The following RPS6 variants were observed in gnomAD, a reference collection of about 807,000 sequenced individuals.
The protein encoded by RPS6 is ribosomal protein S6.
A neutral mutation model predicts 27.1 loss-of-function variants in RPS6; 1 was observed. The observed-to-expected ratio is 0.04, with a 90% CI of 0.01 to 0.18. RPS6 has a LOEUF of 0.18. RPS6 is among the 10% of genes least tolerant of loss of function. RPS6 has a pLI of 1.00. For synonymous variants in RPS6, 152 were observed against 106.0 expected (o/e 1.43, Z -2.66); for missense variants, 259 against 319.1 (o/e 0.81, Z 1.44).
chr9:19,380,095 C>T, intron 1 of RPS6, 95 bp downstream of exon 1: 1 of 1,613,612 alleles, frequency 6.2e-7, no homozygotes, highest in Admixed American at 1.7e-5. Context: ...CACCTAAAGC[C>T]AGGATCCTGG....
At chr9:19,377,769 G>A (rs887304317) in intron 4 of RPS6, among the ~76,000 whole-genome samples, 7 of 152,270 alleles carry the variant, frequency 4.6e-5, no homozygotes, top group African/African-American at 1.4e-4. Context: ...TTCTGAGTAA[G>A]GTCTCTAACT....
rs17523533 is a variant in RPS6 at position 19,380,234 on chromosome 9, G to A, written c.-39C>T. 9.3e-5 allele frequency: 150 copies of A among 1,609,228 alleles called. No homozygotes were observed. Among genetic ancestry groups the A allele is most frequent in the East Asian group, 2.7e-4 (12 of 44,856 alleles). The stretch of plus-strand genomic sequence containing the variant: ...AACGCCTCCGAGGCGCCACGGAAAA[G>A]AGGGCCAACTTCCGCTTAGCGCAGG... On this transcript the variant is annotated 5_prime_UTR_variant, in exon 1 of 6. Transcript: ENST00000380394.
chr9:19,376,537 T>C lies in RPS6; in HGVS notation c.611A>G (p.Glu204Gly). ...AAGTTTAGCATATTCTGCAGCCTCT[T>C]CTTTATTTTTCTTGGTACGCTGCTT... ...LKKQRTKKNKEEAAEYAKLLA... is the reference protein window; with the variant it reads ...LKKQRTKKNKGEAAEYAKLLA... The change falls in exon 5 of 6, where the codon GAA becomes GGA. Residue 204 changes from glutamate (E) to glycine (G), a missense_variant. Coordinates refer to ENST00000380394, the MANE Select transcript of RPS6 (RefSeq NM_001010.3). 1 of 1,614,180 alleles carries C rather than the reference T, an allele frequency of 6.2e-7. No individual in the cohort carries two copies. Among genetic ancestry groups the C allele is most frequent in the Non-Finnish European group, 8.5e-7 (1 of 1,180,032 alleles).
intron 4 of RPS6, among the ~76,000 whole-genome samples, chr9:19,378,094 G>A (rs1829620164): frequency 6.6e-6 from 1 of 152,114 alleles, no homozygotes; most frequent in African/African-American, 2.4e-5. Context: ...AGATAGCAAT[G>A]ACCTTAAAGT....
At chr9:19,377,020 G>A (rs1007061138) in intron 4 of RPS6, among the ~76,000 whole-genome samples, 3 of 152,112 alleles carry the variant, frequency 2.0e-5, no homozygotes, top group Non-Finnish European at 4.4e-5. Flanking sequence ...TTTTAAATTT[G>A]ATGTAAGCTT....
intron 4 of RPS6, among the ~76,000 whole-genome samples, chr9:19,377,824 A>G (rs1829615097): frequency 6.6e-6 from 1 of 152,192 alleles, no homozygotes; most frequent in South Asian, 2.1e-4. Flanking sequence ...TATCCTACAG[A>G]TGAAACAGAA....
In RPS6 at chr9:19,379,097, C is replaced by T. The variant is rs2301239; in HGVS notation, c.139-179G>A. On this transcript the variant is annotated intron_variant, in intron 2 of 5. Transcript: ENST00000380394. Reference sequence around the variant, plus strand: ...GTCTATATTCCCAACTTGTCAAGTTCAATTATCAAATGTCTTTCAAGTCGC... The same window carrying T: ...GTCTATATTCCCAACTTGTCAAGTTTAATTATCAAATGTCTTTCAAGTCGC... 1.2e-3 allele frequency: 916 copies of T among 774,586 alleles called. 6 individuals are homozygous for T. The East Asian group carries it at 0.017, about 15-fold the overall frequency. 48.0% of individuals were successfully genotyped at this position (774,586 alleles called of 1,614,324 possible). A position where few individuals can be genotyped will look rare whatever the true frequency, so the allele number is the denominator to read the frequency against.
In RPS6 at chr9:19,375,923, C is replaced by G. The variant is rs1049727917; in HGVS notation, c.*370G>C. ...AAAGACATGTTCATCTTCACAAGGT[C>G]AATTTTCATGTATTAAATTGTGTAT... On this transcript the variant is annotated 3_prime_UTR_variant, in exon 6 of 6. Coordinates refer to ENST00000380394, the MANE Select transcript of RPS6 (RefSeq NM_001010.3). The G allele has an allele frequency of 2.6e-5, 4 of 156,726 alleles. No homozygotes were observed. The highest frequency in any genetic ancestry group is 6.4e-5 in the Admixed American group (1 of 15,624). 9.7% of individuals were successfully genotyped at this position (156,726 alleles called of 1,614,324 possible).
In RPS6 at chr9:19,379,959, G is replaced by A. The variant is rs149066720; in HGVS notation, c.6+231C>T. The stretch of plus-strand genomic sequence containing the variant: ...CAACACGCCGCATCCGTCCCGGCTG[G>A]GCGCGGGGACGCCACCATGGCGCTC... On this transcript the variant is annotated intron_variant, in intron 1 of 5. Transcript: ENST00000380394. 8.7e-4 allele frequency: 1,246 copies of A among 1,438,502 alleles called. 15 individuals carry two copies. The African/African-American group carries it at 0.016, about 18-fold the overall frequency. The allele number at this position is 1,438,502 out of a possible 1,614,324, so 89.1% of individuals were successfully genotyped here. A position where few individuals can be genotyped will look rare whatever the true frequency, so the allele number is the denominator to read the frequency against.
intron 2 of RPS6, chr9:19,379,217 T>TG (rs1170816258): frequency 5.7e-6 from 7 of 1,221,918 alleles, no homozygotes; most frequent in Non-Finnish European, 7.8e-6. Context: ...TTTGGCACTT[T>TG]GGGGATTATG....
intron 1 of RPS6, chr9:19,379,975 C>G (rs1324891812): frequency 6.9e-7 from 1 of 1,449,278 alleles, no homozygotes; most frequent in Non-Finnish European, 9.0e-7. Context: ...GGGACGCCAC[C>G]ATGGCGCTCC....
Position 19,378,791 on chromosome 9 carries a change from G to C in RPS6, c.266C>G (p.Thr89Ser), listed in dbSNP as rs1247201535. Residue 89 changes from threonine to serine, a missense_variant, in exon 3 of 6, where the codon ACT (threonine) becomes AGT (serine). This residue lies in a region of RPS6 where 191 missense variants were observed against 231.6 expected (regional missense o/e 0.82). Transcript: ENST00000380394. ...KGHSCYRPRR[T>S]GERKRKSVRG... ...AACTGATTTTCTCTTTCTTTCTCCA[G>C]TTCTCCTTGGTCTGTAACAGGAATG... 19 of 1,613,996 alleles carry C rather than the reference G, an allele frequency of 1.2e-5. No individual in the cohort carries two copies. Among genetic ancestry groups the C allele is most frequent in the Non-Finnish European group, 1.5e-5 (18 of 1,180,028 alleles).
chr9:19,378,520 A>G lies in RPS6; in HGVS notation c.350-6T>C, dbSNP rs1829626704. 6.2e-7 allele frequency: 1 copy of G among 1,610,434 alleles called. No homozygotes were observed. The highest frequency in any genetic ancestry group is 1.7e-5 in the Admixed American group (1 of 58,942). ...TCCAGGAATATCCTTCTCTCCTTAG[A>G]AGAAACAGTTGAAGAGATTTTAATT... On this transcript the variant is annotated splice_polypyrimidine_tract_variant and splice_region_variant and intron_variant, in intron 3 of 5. Transcript: ENST00000380394.
rs1589011754 is a variant in RPS6 at position 19,376,099 on chromosome 9, C to A, written c.*194G>T. On this transcript the variant is annotated 3_prime_UTR_variant, in exon 6 of 6. Coordinates refer to ENST00000380394, the MANE Select transcript of RPS6 (RefSeq NM_001010.3). ...GTGCCACCCATCCCCTGAAAGGAAC[C>A]CCTGTACACTGACCTTGTCTTCCAC... The A allele has an allele frequency of 7.7e-6, 4 of 517,074 alleles. No homozygotes were observed. The East Asian group carries it at 1.3e-4, about 17-fold the overall frequency. 32.0% of individuals were successfully genotyped at this position (517,074 alleles called of 1,614,324 possible). A position where few individuals can be genotyped will look rare whatever the true frequency, so the allele number is the denominator to read the frequency against.
intron 2 of RPS6, 62 bp from the exon 3 acceptor site, chr9:19,378,980 G>T: frequency 6.7e-7 from 1 of 1,484,758 alleles, no homozygotes; most frequent in Non-Finnish European, 9.3e-7. Context: ...TACAGTACAG[G>T]ATTGTGACCT....
At chr9:19,378,572 C>A in intron 3 of RPS6, 58 bp from the exon 4 acceptor site, 1 of 1,597,398 alleles carries the variant, frequency 6.3e-7, no homozygotes, top group Non-Finnish European at 8.5e-7. Context: ...AATCCTAAAT[C>A]AGAATGTTTA....
chr9:19,379,444 C>T, intron 2 of RPS6, 43 bp downstream of exon 2: 2 of 1,612,068 alleles, frequency 1.2e-6, no homozygotes, highest in African/African-American at 1.3e-5. Context: ...ATGGCGTTTA[C>T]CGTCTCTGAC....
intron 3 of RPS6, 48 bp from the exon 4 acceptor site, chr9:19,378,562 A>G (rs1829627449): frequency 6.2e-7 from 1 of 1,600,938 alleles, no homozygotes; most frequent in Non-Finnish European, 8.5e-7. Flanking sequence ...CTTCCTTAAG[A>G]ATCCTAAATC....
Position 19,378,323 on chromosome 9 carries a change from A to T in RPS6, c.496+45T>A, listed in dbSNP as rs764658268. 1.9e-6 allele frequency: 3 copies of T among 1,597,246 alleles called. No individual in the cohort carries two copies. The East Asian group carries it at 6.7e-5, about 36-fold the overall frequency. ...CTGATATGCACACAAAATGATAGAC[A>T]AATTACCAAAATTAAGCAAGCCCTA... is the stretch of plus-strand genomic sequence containing the variant. On this transcript the variant is annotated intron_variant, in intron 4 of 5. Transcript: ENST00000380394.
Sources: gnomAD v4.1 joint callset for allele counts (sites outside exome capture counted in the v4.1 genomes callset) on GRCh38, gnomAD v4.1.1 for gene constraint, gnomAD v4.1.1 regional missense constraint, MANE v1.5 for transcripts, NCBI Gene and HGNC (gene_info 2026-07-23, HGNC 2026-07-21) for gene names.